The following DNAI7 variants were observed in gnomAD, a reference collection of about 807,000 sequenced individuals.
The protein encoded by DNAI7 is dynein axonemal intermediate chain 7, also known as cancer susceptibility 1.
Under a neutral mutation model 86.6 loss-of-function variants are expected in DNAI7, and 78 were observed. The ratio of observed to expected loss-of-function variants is 0.90; its 90% confidence interval spans 0.75 to 1.09. The LOEUF (loss-of-function observed/expected upper bound fraction) is 1.09. Among genes scored for constraint, DNAI7 ranks in the 50% least tolerant of loss-of-function variants. DNAI7 has a pLI of 0.00. For missense variants in DNAI7, 753 were observed against 810.2 expected (o/e 0.93, Z 0.86); for synonymous variants, 274 against 273.0 (o/e 1.00, Z -0.04).
intron 11 of DNAI7, among the ~76,000 whole-genome samples, chr12:25,121,364 C>T (rs1028901285): frequency 1.3e-5 from 2 of 152,172 alleles, no homozygotes; most frequent in South Asian, 2.1e-4. Flanking sequence ...AGTTTTAGTG[C>T]TGCAATGGCT....
intron 1 of DNAI7, among the ~76,000 whole-genome samples, chr12:25,190,884 T>G (rs1404983763): frequency 6.6e-6 from 1 of 152,210 alleles, no homozygotes; most frequent in Non-Finnish European, 1.5e-5. Flanking sequence ...TTTTTTTGTA[T>G]GTAGATTTTA....
intron 2 of DNAI7, among the ~76,000 whole-genome samples, chr12:25,184,966 T>TAA (rs35375688): frequency 5.0e-4 from 53 of 106,474 alleles, no homozygotes; most frequent in Admixed American, 1.2e-3. Flanking sequence ...CCCATCTCTA[T>TAA]AAAAAAAAAA....
chr12:25,133,052 T>G (rs1943116042), intron 9 of DNAI7, among the ~76,000 whole-genome samples: 2 of 152,166 alleles, frequency 1.3e-5, no homozygotes, highest in South Asian at 4.1e-4. Flanking sequence ...AAAGGTCTTC[T>G]TAGTAAAGAT....
intron 2 of DNAI7, among the ~76,000 whole-genome samples, chr12:25,181,417 CCAAG>C (rs1261356523): frequency 1.3e-5 from 2 of 152,012 alleles, no homozygotes; most frequent in African/African-American, 4.8e-5. Context: ...TTGCATCCAG[CCAAG>C]ACCTCAAACT....
chr12:25,182,076 G>T (rs190767125), intron 2 of DNAI7, among the ~76,000 whole-genome samples: 27 of 150,380 alleles, frequency 1.8e-4, no homozygotes, highest in Non-Finnish European at 3.1e-4. Flanking sequence ...GGCTGGGCGC[G>T]GTGGCTCACG....
chr12:25,190,164 T>A (rs1445543079), intron 2 of DNAI7, among the ~76,000 whole-genome samples: 2 of 152,130 alleles, frequency 1.3e-5, no homozygotes, highest in Non-Finnish European at 2.9e-5. Flanking sequence ...TTTATTGAAC[T>A]CAAATTTCTA....
intron 6 of DNAI7, among the ~76,000 whole-genome samples, chr12:25,150,331 GCA>G (rs1945358635): frequency 6.6e-6 from 1 of 152,034 alleles, no homozygotes; most frequent in Non-Finnish European, 1.5e-5. Context: ...GAGGCCGGGC[GCA>G]GTGGCTCATG....
chr12:25,144,328 A>G lies in DNAI7; in HGVS notation c.1002+37T>C, dbSNP rs768637764. 2.6e-6 allele frequency: 4 copies of G among 1,514,940 alleles called. No homozygotes were observed. The South Asian group carries it at 3.5e-5, about 13-fold the overall frequency. The allele number at this position is 1,514,940 out of a possible 1,614,324, so 93.8% of individuals were successfully genotyped here. ...AAGGGAATCTAATAACGCATGCTGC[A>G]TGAATAAAAAAATGTGTATATTTAA... On this transcript the variant is annotated intron_variant, in intron 9 of 15. Coordinates refer to ENST00000395987, the MANE Select transcript of DNAI7 (RefSeq NM_018272.5).
Position 25,108,605 on chromosome 12 carries a change from C to CT in DNAI7, c.2111dup (p.Phe705ValfsTer45). 6.2e-7 allele frequency: 1 copy of CT among 1,613,840 alleles called. No individual in the cohort carries two copies. The highest frequency in any genetic ancestry group is 8.5e-7 in the Non-Finnish European group (1 of 1,179,896). On this transcript the variant is annotated frameshift_variant, in exon 16 of 16. Transcript: ENST00000395987. LOFTEE classifies it high-confidence loss of function. ...GCATGTGGCACACAGAGTTGACAAACTGACAGTTGGAACTCCTGACTTTCT... is the reference window on the plus strand; with the variant it reads ...GCATGTGGCACACAGAGTTGACAAACTTGACAGTTGGAACTCCTGACTTTCT...
At chr12:25,118,215 G>A (rs969450544) in intron 12 of DNAI7, among the ~76,000 whole-genome samples, 1 of 151,944 alleles carries the variant, frequency 6.6e-6, no homozygotes, top group African/African-American at 2.4e-5. Flanking sequence ...TTACAGGCGT[G>A]AGCCACAGCG....
At chr12:25,184,383 G>C (rs982982645) in intron 2 of DNAI7, among the ~76,000 whole-genome samples, 3 of 143,710 alleles carry the variant, frequency 2.1e-5, no homozygotes, top group African/African-American at 7.3e-5. Context: ...GTAAAATGTG[G>C]TCTTTTGTGA....
rs182847970 is a variant in DNAI7, at chr12:25,109,086, C to G, written c.1894-263G>C. On this transcript the variant is annotated intron_variant, in intron 15 of 15. Coordinates refer to ENST00000395987, the MANE Select transcript of DNAI7 (RefSeq NM_018272.5). ...CATGTGTGAGGTACTGTTCTAAGTGCTGGGGATATAACAGAGAAAGAAAAC... is the reference window on the plus strand; with the variant it reads ...CATGTGTGAGGTACTGTTCTAAGTGGTGGGGATATAACAGAGAAAGAAAAC... Among the ~76,000 whole-genome samples, 7 of 152,174 alleles carry G rather than the reference C, an allele frequency of 4.6e-5. No homozygotes were observed. In the East Asian group the frequency reaches 9.7e-4, roughly 21 times the overall value.
At chr12:25,136,354 G>A (rs1400794310) in intron 9 of DNAI7, among the ~76,000 whole-genome samples, 2 of 152,202 alleles carry the variant, frequency 1.3e-5, no homozygotes, top group African/African-American at 4.8e-5. Context: ...CATCTGTAGG[G>A]GAAGGGGGAG....
At position 25,180,143 on chromosome 12, in the gene DNAI7, G is replaced by A. The variant is rs143879329; in HGVS notation, c.21+10471C>T. On this transcript the variant is annotated intron_variant, in intron 2 of 15. Coordinates refer to ENST00000395987, the MANE Select transcript of DNAI7 (RefSeq NM_018272.5). ...AGTAGCATTTCTACACACCAACAAC[G>A]TTTAAGCTGAGAAGCAAATCAAGAA... Among the ~76,000 whole-genome samples, 358 of 152,192 alleles carry A rather than the reference G, an allele frequency of 2.4e-3. 1 individual carries two copies. Among genetic ancestry groups the A allele is most frequent in the African/African-American group, 8.0e-3 (334 of 41,508 alleles).
At chr12:25,169,559 A>G (rs1947893842) in intron 2 of DNAI7, among the ~76,000 whole-genome samples, 1 of 152,210 alleles carries the variant, frequency 6.6e-6, no homozygotes. Context: ...CACTTAAAAG[A>G]CACAGAGGCC....
rs372684078 is a variant in DNAI7 at position 25,149,824 on chromosome 12, A to G, written c.439-50T>C. On this transcript the variant is annotated intron_variant, in intron 6 of 15. Coordinates refer to ENST00000395987, the MANE Select transcript of DNAI7 (RefSeq NM_018272.5). Reference sequence around the variant, plus strand: ...TTAATTCTCAGAGAAATAGTCAAGGACAAGTGAAAAAGGGAATGTTTTATC... The same window carrying G: ...TTAATTCTCAGAGAAATAGTCAAGGGCAAGTGAAAAAGGGAATGTTTTATC... 59 of 1,182,304 alleles carry G rather than the reference A, an allele frequency of 5.0e-5. 2 individuals are homozygous for G. Among genetic ancestry groups the G allele is most frequent in the Non-Finnish European group, 6.7e-5 (55 of 820,426 alleles). 73.2% of individuals were successfully genotyped at this position (1,182,304 alleles called of 1,614,324 possible). A position where few individuals can be genotyped will look rare whatever the true frequency, so the allele number is the denominator to read the frequency against.
At position 25,121,875 on chromosome 12, in the gene DNAI7, C is replaced by G. The variant is rs977602776; in HGVS notation, c.1117G>C (p.Asp373His). ...TCCACCACATTGTCTTCAAAGAAAT[C>G]TGGCTTTTCAGAAGAATTCTCTACC... ...LLVENSSEKP[D>H]FFEDNVVDLC... is the part of the protein sequence containing the mutation. Residue 373 changes from aspartate (D) to histidine (H), a missense_variant, in exon 11 of 16, where the codon GAT (aspartate) becomes CAT (histidine). Asp to His is a moderately conservative substitution (Grantham distance 81). Coordinates refer to ENST00000395987, the MANE Select transcript of DNAI7 (RefSeq NM_018272.5). The G allele has an allele frequency of 3.8e-6, 6 of 1,591,882 alleles. No homozygotes were observed. In the Admixed American group the frequency reaches 5.8e-5, roughly 15 times the overall value.
chr12:25,138,334 T>C (rs1320848670), intron 9 of DNAI7, among the ~76,000 whole-genome samples: 3 of 152,080 alleles, frequency 2.0e-5, no homozygotes, highest in Non-Finnish European at 4.4e-5. Flanking sequence ...ATGGTGGCAT[T>C]TGCCCGTAAT....
rs1941370263 is a variant in DNAI7 at position 25,121,967 on chromosome 12, T to C, written c.1079-54A>G. 44 of 1,272,776 alleles carry C rather than the reference T, an allele frequency of 3.5e-5. No individual in the cohort carries two copies. In the South Asian group the frequency reaches 6.6e-4, roughly 19 times the overall value. The allele number at this position is 1,272,776 out of a possible 1,614,324, so 78.8% of individuals were successfully genotyped here. On this transcript the variant is annotated intron_variant, in intron 10 of 15. Transcript: ENST00000395987. ...AATAGATTACAGTTTAGTATGTTCT[T>C]AGGAAAGAAATTTAAAAATTCTCAT...
Sources: gnomAD v4.1 joint callset for allele counts (sites outside exome capture counted in the v4.1 genomes callset) on GRCh38, gnomAD v4.1.1 for gene constraint, MANE v1.5 for transcripts, NCBI Gene and HGNC (gene_info 2026-07-23, HGNC 2026-07-21) for gene names.